The following DTL variants were observed in gnomAD, a reference collection of about 807,000 sequenced individuals.
The protein encoded by DTL is denticleless E3 ubiquitin protein ligase adapter.
DTL carries 46 observed loss-of-function variants against 87.0 expected under a neutral mutation model. That is an observed-to-expected ratio of 0.53 (90% CI 0.42 to 0.68). DTL has a LOEUF of 0.68. DTL is among the 30% of genes least tolerant of loss of function. The pLI is 0.00. For synonymous variants in DTL, 308 were observed against 311.2 expected (o/e 0.99, Z 0.11); for missense variants, 737 against 869.4 (o/e 0.85, Z 1.91).
At chr1:212,055,339 A>G (rs1668137547) in intron 5 of DTL, among the ~76,000 whole-genome samples, 1 of 152,098 alleles carries the variant, frequency 6.6e-6, no homozygotes, top group Admixed American at 6.5e-5. Context: ...TGAGACTAAC[A>G]TAGGGAGCTG....
chr1:212,079,995 C>G (rs1654943673), intron 12 of DTL, among the ~76,000 whole-genome samples: 1 of 152,158 alleles, frequency 6.6e-6, no homozygotes, highest in Non-Finnish European at 1.5e-5. Flanking sequence ...GGCTTGGGAC[C>G]AAGATCTAGA....
At chr1:212,042,383 C>T (rs989221233) in intron 1 of DTL, among the ~76,000 whole-genome samples, 1 of 152,142 alleles carries the variant, frequency 6.6e-6, no homozygotes, top group South Asian at 2.1e-4. Context: ...CTACCACTAG[C>T]CAGGGCTAAT....
intron 13 of DTL, among the ~76,000 whole-genome samples, chr1:212,098,622 G>A (rs1350714230): frequency 6.6e-6 from 1 of 152,046 alleles, no homozygotes; most frequent in African/African-American, 2.4e-5. Context: ...ACAGGCCAAT[G>A]GAGTTACGTT....
At chr1:212,047,545 T>C (rs1667842119) in intron 5 of DTL, 128 bp downstream of exon 5, 1 of 1,286,214 alleles carries the variant, frequency 7.8e-7, no homozygotes, top group Admixed American at 2.3e-5. Context: ...ATTAAGATTC[T>C]TTTTTTGGAG....
chr1:212,066,645 C>G (rs1166134260), intron 7 of DTL, among the ~76,000 whole-genome samples, 167 bp from the exon 8 acceptor site: 1 of 152,134 alleles, frequency 6.6e-6, no homozygotes, highest in Non-Finnish European at 1.5e-5. Flanking sequence ...CTTAATGATC[C>G]TTGCTAAAAT....
chr1:212,041,094 A>C (rs1457357723), intron 1 of DTL, among the ~76,000 whole-genome samples: 1 of 152,188 alleles, frequency 6.6e-6, no homozygotes, highest in Non-Finnish European at 1.5e-5. Context: ...CTTTTTCCAA[A>C]TGTGTTGTGG....
At position 212,104,960 on chromosome 1, in the gene DTL, A is replaced by G. The variant is rs1319349968; in HGVS notation, c.*2020A>G. ...TTAAAATGTTTATTCCCAAAGTTAT[A>G]ATCTATTTCAAGCTGAAAGAGCTTT... On this transcript the variant is annotated 3_prime_UTR_variant, in exon 15 of 15. Transcript: ENST00000366991. The G allele has an allele frequency of 6.6e-6, 1 of 152,200 alleles. No homozygotes were observed. Among genetic ancestry groups the G allele is most frequent in the Non-Finnish European group, 1.5e-5 (1 of 68,030 alleles). The allele number at this position is 152,200 out of a possible 1,614,324, so 9.4% of individuals were successfully genotyped here. A position where few individuals can be genotyped will look rare whatever the true frequency, so the allele number is the denominator to read the frequency against.
chr1:212,049,089 A>C (rs1484319405), intron 5 of DTL, among the ~76,000 whole-genome samples: 1 of 152,030 alleles, frequency 6.6e-6, no homozygotes, highest in Non-Finnish European at 1.5e-5. Flanking sequence ...CGCCCAGCTA[A>C]TTTTTGTATT....
At chr1:212,040,189 C>T (rs1158694587) in intron 1 of DTL, among the ~76,000 whole-genome samples, 2 of 150,988 alleles carry the variant, frequency 1.3e-5, no homozygotes, top group East Asian at 3.9e-4. Context: ...AAATGTTTTT[C>T]TTTTCTTAAC....
At chr1:212,056,322 T>C (rs560672851) in intron 5 of DTL, among the ~76,000 whole-genome samples, 108 of 152,322 alleles carry the variant, frequency 7.1e-4, no homozygotes, top group African/African-American at 2.5e-3. Flanking sequence ...TTTCAATTTC[T>C]GGCAAAACTT....
chr1:212,035,785 G>A lies in DTL; in HGVS notation c.-106G>A, dbSNP rs1667422977. On this transcript the variant is annotated 5_prime_UTR_variant, in exon 1 of 15. Transcript: ENST00000366991. ...CCGGGGCTTACAGTGGCGGGAGTTGGAGGCGATAACGATTTGTGTTGTGAG... is the reference window on the plus strand; with the variant it reads ...CCGGGGCTTACAGTGGCGGGAGTTGAAGGCGATAACGATTTGTGTTGTGAG... 1 of 1,060,640 alleles carries A rather than the reference G, an allele frequency of 9.4e-7. No homozygotes were observed. Among genetic ancestry groups the A allele is most frequent in the Admixed American group, 2.0e-5 (1 of 49,240 alleles). The allele number at this position is 1,060,640 out of a possible 1,614,324, so 65.7% of individuals were successfully genotyped here.
chr1:212,102,104 C>G (rs1156236431), intron 14 of DTL, among the ~76,000 whole-genome samples: 1 of 152,204 alleles, frequency 6.6e-6, no homozygotes, highest in Non-Finnish European at 1.5e-5. Context: ...TAACCCCGAC[C>G]TGCTCTCATG....
At chr1:212,082,961 G>A (rs1047925636) in intron 13 of DTL, among the ~76,000 whole-genome samples, 2 of 152,220 alleles carry the variant, frequency 1.3e-5, no homozygotes, top group African/African-American at 2.4e-5. Flanking sequence ...AACCAGGGAT[G>A]TGGTTTAGCA....
At chr1:212,043,250 G>C in intron 2 of DTL, 132 bp downstream of exon 2, 1 of 819,418 alleles carries the variant, frequency 1.2e-6, no homozygotes, top group Non-Finnish European at 1.8e-6. Context: ...TGTAAAAACT[G>C]TTATCTTCTG....
At chr1:212,057,369 A>G in intron 5 of DTL, among the ~76,000 whole-genome samples, 1 of 151,624 alleles carries the variant, frequency 6.6e-6, no homozygotes, top group East Asian at 1.9e-4. Context: ...AGAAAAAAAA[A>G]AAAACCTGCC....
intron 13 of DTL, among the ~76,000 whole-genome samples, chr1:212,097,443 A>G (rs1321905713): frequency 1.3e-5 from 2 of 152,078 alleles, no homozygotes; most frequent in African/African-American, 4.8e-5. Flanking sequence ...TCTTTGTTGA[A>G]TTGGGTTAAT....
At chr1:212,090,150 T>A (rs1391099972) in intron 13 of DTL, among the ~76,000 whole-genome samples, 1 of 152,296 alleles carries the variant, frequency 6.6e-6, no homozygotes, top group East Asian at 1.9e-4. Context: ...TATGACAAAA[T>A]GGGGTTTTTC....
rs1046749190 is a variant in DTL at position 212,058,575 on chromosome 1, T to A, written c.461-4309T>A. ...GTACTAAGAGGAAAGTTTATAGCAA[T>A]ACACACCTATACCAAAAAAGTAGAA... On this transcript the variant is annotated intron_variant, in intron 5 of 14. Transcript: ENST00000366991. Among the ~76,000 whole-genome samples the A allele has an allele frequency of 9.9e-5, 15 of 151,872 alleles. No homozygotes were observed. In the East Asian group the frequency reaches 1.2e-3, roughly 12 times the overall value.
At chr1:212,048,139 T>C (rs1175554854) in intron 5 of DTL, among the ~76,000 whole-genome samples, 1 of 152,222 alleles carries the variant, frequency 6.6e-6, no homozygotes, top group Non-Finnish European at 1.5e-5. Context: ...ATAATTTTTT[T>C]CTACCTAAAA....
Sources: gnomAD v4.1 joint callset for allele counts (sites outside exome capture counted in the v4.1 genomes callset) on GRCh38, gnomAD v4.1.1 for gene constraint, MANE v1.5 for transcripts, NCBI Gene and HGNC (gene_info 2026-07-23, HGNC 2026-07-21) for gene names.